OSBPL10: variants seen among roughly 807,000 people sequenced by gnomAD.
The protein encoded by OSBPL10 is oxysterol binding protein like 10.
A neutral mutation model predicts 81.7 loss-of-function variants in OSBPL10; 49 were observed. The observed-to-expected ratio is 0.60, with a 90% CI of 0.48 to 0.76. The LOEUF is 0.76. Among genes scored for constraint, OSBPL10 ranks in the 30% least tolerant of loss-of-function variants. The probability of loss-of-function intolerance (pLI) is 0.00; values close to 1 mark genes in which losing one functional copy is unlikely to be tolerated. For synonymous variants in OSBPL10, 419 were observed against 383.6 expected (o/e 1.09, Z -1.08); for missense variants, 923 against 987.8 (o/e 0.93, Z 0.88).
chr3:31,875,495 C>A (rs72851820), intron 3 of OSBPL10, among the ~76,000 whole-genome samples: 5 of 148,554 alleles, frequency 3.4e-5, no homozygotes, highest in Non-Finnish European at 5.9e-5. Flanking sequence ...GCAAGTTAAG[C>A]GAGGCATTAC....
chr3:31,681,298 C>A (rs544341494), intron 8 of OSBPL10, among the ~76,000 whole-genome samples: 1 of 152,324 alleles, frequency 6.6e-6, no homozygotes, highest in African/African-American at 2.4e-5. Flanking sequence ...TGTGGGCACT[C>A]TGGAGTTGCC....
chr3:31,756,008 C>T (rs957864506), intron 4 of OSBPL10, among the ~76,000 whole-genome samples: 1 of 152,164 alleles, frequency 6.6e-6, no homozygotes, highest in African/African-American at 2.4e-5. Flanking sequence ...TTTATCTTTA[C>T]AAACTCCTTA....
At chr3:31,773,294 A>G (rs1298916317) in intron 4 of OSBPL10, among the ~76,000 whole-genome samples, 1 of 152,146 alleles carries the variant, frequency 6.6e-6, no homozygotes, top group East Asian at 1.9e-4. Flanking sequence ...TCTGACATAA[A>G]TATTTTCTCT....
intron 4 of OSBPL10, among the ~76,000 whole-genome samples, chr3:31,812,798 GAAAGAAAGAAAGAAAGAAAGAGAAAGAA>G (rs1699735032): frequency 3.5e-4 from 17 of 48,330 alleles, no homozygotes; most frequent in African/African-American, 1.5e-3. Context: ...AAGAAAGAAA[GAAAGAAAGAAAGAAAGAAAGAGAAAGAA>G]AGAAAGAAAG....
intron 4 of OSBPL10, among the ~76,000 whole-genome samples, chr3:31,753,085 C>T (rs1393683494): frequency 6.6e-6 from 1 of 152,050 alleles, no homozygotes; most frequent in Admixed American, 6.5e-5. Context: ...TGAGTCCCTG[C>T]TAAGTTCCCC....
chr3:31,698,870 A>G (rs1695807941), intron 7 of OSBPL10, among the ~76,000 whole-genome samples: 1 of 152,092 alleles, frequency 6.6e-6, no homozygotes, highest in South Asian at 2.1e-4. Context: ...ATTTCTCTTC[A>G]TTATACTTCA....
At position 31,937,290 on chromosome 3, in the gene OSBPL10, AAAAG is replaced by A. The variant is rs370362818; in HGVS notation, c.281+43605_281+43608del. On this transcript the variant is annotated intron_variant, in intron 1 of 11. Coordinates refer to ENST00000396556, the MANE Select transcript of OSBPL10 (RefSeq NM_017784.5). ...AGACACTCAGGCTCAAAAAAAAAAA[AAAAG>A]AAAGAAAGTCAGAGGAACATGAAAC... Among the ~76,000 whole-genome samples the A allele has an allele frequency of 5.9e-3, 890 of 152,048 alleles. 6 individuals carry two copies. The highest frequency in any genetic ancestry group is 0.026 in the South Asian group (123 of 4,800).
intron 2 of OSBPL10, among the ~76,000 whole-genome samples, chr3:32,037,177 A>T (rs1699527762): frequency 6.6e-6 from 1 of 152,194 alleles, no homozygotes. Flanking sequence ...CGTGTGACAG[A>T]GAGAACAGGA....
intron 4 of OSBPL10, among the ~76,000 whole-genome samples, chr3:31,789,002 G>A (rs536688914): frequency 2.9e-4 from 43 of 150,644 alleles, no homozygotes; most frequent in African/African-American, 3.7e-4. Context: ...TTTTTGAGAC[G>A]GAGTCTCACT....
intron 1 of OSBPL10, among the ~76,000 whole-genome samples, chr3:31,913,389 C>G (rs1294153195): frequency 6.6e-6 from 1 of 152,056 alleles, no homozygotes; most frequent in African/African-American, 2.4e-5. Context: ...GCTGGGACTA[C>G]AGGCGCACAA....
intron 2 of OSBPL10, chr3:31,989,610 T>A (rs1698994845): frequency 6.2e-7 from 1 of 1,614,208 alleles, no homozygotes; most frequent in African/African-American, 1.3e-5. Flanking sequence ...AAGTTGGTAA[T>A]CAAGTTGAGA....
At chr3:32,028,933 C>T (rs982880848) in intron 2 of OSBPL10, among the ~76,000 whole-genome samples, 3 of 111,860 alleles carry the variant, frequency 2.7e-5, no homozygotes, top group African/African-American at 1.1e-4. Context: ...TCAGGACACA[C>T]ACACACACAC....
chr3:31,807,687 A>G (rs1238792449), intron 4 of OSBPL10, among the ~76,000 whole-genome samples: 1 of 152,098 alleles, frequency 6.6e-6, no homozygotes, highest in Non-Finnish European at 1.5e-5. Context: ...GCAGTGAGCT[A>G]TGATTGGGCC....
intron 6 of OSBPL10, among the ~76,000 whole-genome samples, chr3:31,717,563 C>T (rs772450394): frequency 1.2e-4 from 18 of 152,168 alleles, no homozygotes; most frequent in Non-Finnish European, 2.2e-4. Flanking sequence ...TGAGGAGGCA[C>T]CAATAATGCC....
At chr3:31,897,496 TCAC>T (rs1696089905) in intron 1 of OSBPL10, among the ~76,000 whole-genome samples, 1 of 152,120 alleles carries the variant, frequency 6.6e-6, no homozygotes, top group Non-Finnish European at 1.5e-5. Context: ...GACCAAGTAT[TCAC>T]CACAATTAAA....
intron 5 of OSBPL10, among the ~76,000 whole-genome samples, chr3:31,738,932 G>A (rs76449753): frequency 6.6e-6 from 1 of 152,204 alleles, no homozygotes; most frequent in East Asian, 1.9e-4. Flanking sequence ...AAAACTGGTA[G>A]TAAGCAATGA....
At chr3:31,965,219 A>C (rs994357691) in intron 1 of OSBPL10, among the ~76,000 whole-genome samples, 1 of 150,394 alleles carries the variant, frequency 6.6e-6, no homozygotes, top group Non-Finnish European at 1.5e-5. Flanking sequence ...AATACAAAAA[A>C]ATTAGCCGGG....
chr3:31,878,815 A>ATATG (rs546065292), intron 2 of OSBPL10, among the ~76,000 whole-genome samples: 9 of 136,448 alleles, frequency 6.6e-5, no homozygotes, highest in South Asian at 2.3e-4. Flanking sequence ...CTGCGTGTCC[A>ATATG]TGTGTGTGTG....
chr3:31,688,266 A>ATCTCTC (rs72309837), intron 7 of OSBPL10, among the ~76,000 whole-genome samples: 2 of 130,820 alleles, frequency 1.5e-5, no homozygotes, highest in South Asian at 2.7e-4. Context: ...CCCTGCACAA[A>ATCTCTC]TCTCTCTCTC....
Sources: allele counts gnomAD v4.1 joint callset (sites outside exome capture counted in the v4.1 genomes callset), GRCh38; gene constraint gnomAD v4.1.1; transcripts MANE v1.5; gene names NCBI Gene and HGNC (gene_info 2026-07-23, HGNC 2026-07-21).